The following THRB variants were observed in gnomAD, a reference collection of about 807,000 sequenced individuals.
THRB encodes thyroid hormone receptor beta, also known as nuclear receptor subfamily 1 group A member 2.
In THRB, 12 loss-of-function variants were observed where a neutral mutation model predicts 47.8. That is an observed-to-expected ratio of 0.25 (90% CI 0.16 to 0.41). The LOEUF (loss-of-function observed/expected upper bound fraction) is 0.41. Among genes scored for constraint, THRB ranks in the 10% least tolerant of loss-of-function variants. THRB has a pLI of 1.00. For missense variants in THRB, 348 were observed against 589.2 expected (o/e 0.59, Z 4.24); for synonymous variants, 218 against 212.2 (o/e 1.03, Z -0.24).
intron 8 of THRB, among the ~76,000 whole-genome samples, chr3:24,140,675 C>A (rs1366418325): frequency 6.6e-6 from 1 of 152,156 alleles, no homozygotes; most frequent in Admixed American, 6.5e-5. Context: ...TATGACCCAA[C>A]CTTAGAAGTA....
Position 24,190,362 on chromosome 3 carries a change from G to A in THRB, c.23-28C>T, listed in dbSNP as rs572029109. On this transcript the variant is annotated intron_variant, in intron 4 of 10. Coordinates refer to ENST00000646209, the MANE Select transcript of THRB (RefSeq NM_001354712.2). ...AAAGGGTTGAAAAACACGAGATGAC[G>A]AGCTGTTGGCATTGTCAAGATTTTG... 9 of 1,613,834 alleles carry A rather than the reference G, an allele frequency of 5.6e-6. No individual in the cohort carries two copies. In the Admixed American group the frequency reaches 8.3e-5, roughly 15 times the overall value.
chr3:24,379,245 T>A (rs1425545955), intron 1 of THRB, among the ~76,000 whole-genome samples: 3 of 152,152 alleles, frequency 2.0e-5, no homozygotes, highest in East Asian at 3.9e-4. Context: ...TATAACTATA[T>A]ATAGTAATTT....
At chr3:24,152,203 G>T (rs1346529485) in intron 6 of THRB, among the ~76,000 whole-genome samples, 187 bp downstream of exon 6, 2 of 152,082 alleles carry the variant, frequency 1.3e-5, no homozygotes, top group Non-Finnish European at 2.9e-5. Context: ...TTATGATTTG[G>T]GAAAAAAATT....
At chr3:24,216,603 G>A (rs1018817976) in intron 4 of THRB, among the ~76,000 whole-genome samples, 14 of 148,682 alleles carry the variant, frequency 9.4e-5, no homozygotes, top group South Asian at 4.2e-4. Context: ...GCGAGACTCC[G>A]CCTCAAAAAA....
chr3:24,140,751 G>A (rs2035330784), intron 8 of THRB, among the ~76,000 whole-genome samples: 1 of 152,108 alleles, frequency 6.6e-6, no homozygotes, highest in East Asian at 1.9e-4. Context: ...AGATTCAAGG[G>A]GAGAGGGGAA....
intron 1 of THRB, among the ~76,000 whole-genome samples, chr3:24,446,844 C>T (rs1415130649): frequency 6.6e-6 from 1 of 152,122 alleles, no homozygotes; most frequent in African/African-American, 2.4e-5. Context: ...TATAGCAATA[C>T]TTACACATGT....
intron 3 of THRB, among the ~76,000 whole-genome samples, chr3:24,269,819 A>G (rs550346410): frequency 8.1e-4 from 124 of 152,290 alleles, no homozygotes; most frequent in African/African-American, 2.8e-3. Flanking sequence ...ATTTTGAGCA[A>G]GGAGATGCCC....
intron 3 of THRB, among the ~76,000 whole-genome samples, chr3:24,250,764 G>A (rs2050584548): frequency 6.6e-6 from 1 of 152,066 alleles, no homozygotes; most frequent in Non-Finnish European, 1.5e-5. Flanking sequence ...AAAATACATG[G>A]AAACACAATA....
chr3:24,239,976 T>A (rs947192336), intron 3 of THRB, among the ~76,000 whole-genome samples: 1 of 152,200 alleles, frequency 6.6e-6, no homozygotes, highest in Non-Finnish European at 1.5e-5. Flanking sequence ...TGGATTTGCA[T>A]GGTGTCTGAC....
chr3:24,246,132 G>A (rs921545491), intron 3 of THRB, among the ~76,000 whole-genome samples: 5 of 152,294 alleles, frequency 3.3e-5, no homozygotes, highest in Middle Eastern at 3.4e-3. Context: ...ATGAGTTCAT[G>A]CAAGAAAAGG....
rs528813293 is a variant in THRB at position 24,209,377 on chromosome 3, G to A, written c.23-19043C>T. Among the ~76,000 whole-genome samples, 22 of 152,256 alleles carry A rather than the reference G, an allele frequency of 1.4e-4. No individual in the cohort carries two copies. The East Asian group carries it at 2.1e-3, about 15-fold the overall frequency. The stretch of plus-strand genomic sequence containing the variant: ...TGCTGCTATAAAGACACATGCACAC[G>A]TATGTTCATTGTGGCACTATTCACA... On this transcript the variant is annotated intron_variant, in intron 4 of 10. Transcript: ENST00000646209.
chr3:24,152,317 T>C, intron 6 of THRB, 73 bp downstream of exon 6: 1 of 806,098 alleles, frequency 1.2e-6, no homozygotes, highest in South Asian at 1.4e-5. Context: ...AACTTAACAT[T>C]GCATTCTGGA....
At chr3:24,273,823 A>G (rs2053608345) in intron 3 of THRB, among the ~76,000 whole-genome samples, 1 of 152,066 alleles carries the variant, frequency 6.6e-6, no homozygotes, top group Admixed American at 6.6e-5. Context: ...CAAGCAAACA[A>G]AACTGAATTA....
intron 2 of THRB, among the ~76,000 whole-genome samples, chr3:24,325,899 C>A (rs755199571): frequency 3.9e-5 from 6 of 152,070 alleles, no homozygotes; most frequent in Non-Finnish European, 8.8e-5. Flanking sequence ...ATGAAAACAA[C>A]AACAAGAGAA....
intron 2 of THRB, among the ~76,000 whole-genome samples, chr3:24,326,751 C>G (rs1045745136): frequency 1.8e-4 from 12 of 67,618 alleles, no homozygotes; most frequent in Non-Finnish European, 2.8e-4. Context: ...GCTGTCCAGT[C>G]TTGTCTTTTT....
At chr3:24,476,676 G>A (rs1011882223) in intron 1 of THRB, among the ~76,000 whole-genome samples, 3 of 152,134 alleles carry the variant, frequency 2.0e-5, no homozygotes, top group African/African-American at 7.2e-5. Context: ...GTTAATGAAT[G>A]TCCTTTGGGC....
At chr3:24,159,614 T>G (rs2038446908) in intron 5 of THRB, among the ~76,000 whole-genome samples, 1 of 152,232 alleles carries the variant, frequency 6.6e-6, no homozygotes, top group African/African-American at 2.4e-5. Flanking sequence ...ACTTCAGATA[T>G]TCTCCAAGTA....
intron 1 of THRB, among the ~76,000 whole-genome samples, chr3:24,460,521 A>G (rs17194975): frequency 0.27 from 41,598 of 152,136 alleles, 6,106 homozygotes; most frequent in East Asian, 0.36. Flanking sequence ...ATATTTAAAC[A>G]ATTTTCTTTC....
chr3:24,311,667 T>A (rs2057768898), intron 2 of THRB, among the ~76,000 whole-genome samples: 1 of 152,202 alleles, frequency 6.6e-6, no homozygotes, highest in Non-Finnish European at 1.5e-5. Context: ...GTCATCCAGT[T>A]AATCTCCAAA....
Sources: allele counts gnomAD v4.1 joint callset (sites outside exome capture counted in the v4.1 genomes callset), GRCh38; gene constraint gnomAD v4.1.1; transcripts MANE v1.5; gene names NCBI Gene and HGNC (gene_info 2026-07-23, HGNC 2026-07-21).